Variants in BNC2 observed in about 807,000 individuals in gnomAD.
The protein encoded by BNC2 is basonuclin zinc finger protein 2, also known as zinc finger protein basonuclin-2.
A neutral mutation model predicts 76.3 loss-of-function variants in BNC2; 20 were observed. The observed-to-expected ratio is 0.26, with a 90% CI of 0.18 to 0.38. The LOEUF (loss-of-function observed/expected upper bound fraction) is 0.38. BNC2 is among the 10% of genes least tolerant of loss of function. BNC2 has a pLI of 1.00. For missense variants in BNC2, 1,382 were observed against 1,399.8 expected, an observed-to-expected ratio of 0.99 and a Z score of 0.20; for synonymous variants, 582 against 514.8, an observed-to-expected ratio of 1.13 and a Z score of -1.77.
At chr9:16,592,145 G>A (rs1204112020) in intron 3 of BNC2, among the ~76,000 whole-genome samples, 1 of 151,766 alleles carries the variant, frequency 6.6e-6, no homozygotes, top group Non-Finnish European at 1.5e-5. Context: ...TGAGAAAAAT[G>A]TTATGAACCA....
At chr9:16,859,143 A>G (rs1392650480) in intron 1 of BNC2, among the ~76,000 whole-genome samples, 2 of 151,422 alleles carry the variant, frequency 1.3e-5, no homozygotes, top group Non-Finnish European at 2.9e-5. Context: ...TCAAAACCAC[A>G]CTGAGATATC....
At chr9:16,603,484 A>T (rs1472076427) in intron 3 of BNC2, among the ~76,000 whole-genome samples, 2 of 152,134 alleles carry the variant, frequency 1.3e-5, no homozygotes, top group African/African-American at 4.8e-5. Context: ...AAAAGTCACA[A>T]ATTTTTTGTC....
Position 16,665,492 on chromosome 9 carries a change from G to A in BNC2, c.330+62305C>T, listed in dbSNP as rs150502293. Among the ~76,000 whole-genome samples, 661 of 128,004 alleles carry A rather than the reference G, an allele frequency of 5.2e-3. 4 individuals are homozygous for A. Among genetic ancestry groups the A allele is most frequent in the African/African-American group, 0.019 (605 of 32,320 alleles). The allele number at this position is 128,004 out of a possible 152,430, so 84.0% of individuals were successfully genotyped here. On this transcript the variant is annotated intron_variant, in intron 3 of 6. Coordinates refer to ENST00000380672, the MANE Select transcript of BNC2 (RefSeq NM_017637.6). ...AAAGAAAGAAAGAAAGAAAGAAAGA[G>A]AGAGAGAGAAATCACAGCAAATTTC...
intron 3 of BNC2, among the ~76,000 whole-genome samples, chr9:16,613,701 C>A (rs537664855): frequency 7.2e-5 from 11 of 152,256 alleles, no homozygotes; most frequent in South Asian, 6.2e-4. Flanking sequence ...CCCCTGCATC[C>A]TTGAATCCAA....
At chr9:16,480,549 G>C (rs982931991) in intron 5 of BNC2, among the ~76,000 whole-genome samples, 2 of 152,180 alleles carry the variant, frequency 1.3e-5, no homozygotes, top group Admixed American at 1.3e-4. Flanking sequence ...GGCGGCGCTT[G>C]CGGGCCAGCT....
At chr9:16,757,044 G>T (rs114207468) in intron 1 of BNC2, among the ~76,000 whole-genome samples, 1 of 146,732 alleles carries the variant, frequency 6.8e-6, no homozygotes, top group Non-Finnish European at 1.5e-5. Flanking sequence ...TTCCTAAAGT[G>T]CCCTGTACTA....
intron 3 of BNC2, among the ~76,000 whole-genome samples, chr9:16,708,673 G>C (rs1026606252): frequency 6.6e-6 from 1 of 152,080 alleles, no homozygotes; most frequent in Non-Finnish European, 1.5e-5. Flanking sequence ...AAATAAGAAT[G>C]AGATGGGGAG....
At chr9:16,684,173 A>C (rs1822909234) in intron 3 of BNC2, among the ~76,000 whole-genome samples, 1 of 152,156 alleles carries the variant, frequency 6.6e-6, no homozygotes, top group African/African-American at 2.4e-5. Context: ...ACAGATTTCC[A>C]ACAATCACCC....
At chr9:16,824,149 G>C (rs374398001) in intron 1 of BNC2, among the ~76,000 whole-genome samples, 3 of 152,122 alleles carry the variant, frequency 2.0e-5, no homozygotes, top group African/African-American at 7.2e-5. Context: ...AATAGGCTGT[G>C]ACCGCTACCA....
intron 3 of BNC2, among the ~76,000 whole-genome samples, chr9:16,611,793 T>C (rs1034749551): frequency 1.3e-4 from 20 of 150,678 alleles, no homozygotes; most frequent in Non-Finnish European, 2.8e-4. Flanking sequence ...TTTTAAAATA[T>C]TCTACCTGCA....
At chr9:16,557,710 C>G (rs958380678) in intron 4 of BNC2, among the ~76,000 whole-genome samples, 1 of 151,904 alleles carries the variant, frequency 6.6e-6, no homozygotes, top group African/African-American at 2.4e-5. Flanking sequence ...TTTGAAAAGC[C>G]CTTTTCTCTA....
intron 3 of BNC2, among the ~76,000 whole-genome samples, chr9:16,654,460 G>A (rs958233773): frequency 4.7e-4 from 72 of 151,938 alleles, no homozygotes; most frequent in African/African-American, 1.3e-3. Flanking sequence ...AAATATTTGC[G>A]CATGCAGGTC....
intron 3 of BNC2, among the ~76,000 whole-genome samples, chr9:16,604,658 A>G (rs1277341125): frequency 1.3e-5 from 2 of 152,002 alleles, no homozygotes; most frequent in Non-Finnish European, 2.9e-5. Flanking sequence ...AAACACAATT[A>G]GCCGGGCGTG....
intron 3 of BNC2, among the ~76,000 whole-genome samples, chr9:16,585,922 G>T (rs1819755685): frequency 6.6e-6 from 1 of 151,984 alleles, no homozygotes; most frequent in Non-Finnish European, 1.5e-5. Context: ...TACACACTTT[G>T]AAAATGCAGG....
At position 16,747,441 on chromosome 9, in the gene BNC2, A is replaced by G. The variant is rs1246028017; in HGVS notation, c.4-8956T>C. ...AGGAGATGGAACTTTATATTTATTG[A>G]GCACCTGTTGTGTGCCAGGTACTAT... On this transcript the variant is annotated intron_variant, in intron 1 of 6. Transcript: ENST00000380672. Among the ~76,000 whole-genome samples, 3 of 152,348 alleles carry G rather than the reference A, an allele frequency of 2.0e-5. No individual in the cohort carries two copies. In the East Asian group the frequency reaches 5.8e-4, roughly 29 times the overall value.
intron 1 of BNC2, among the ~76,000 whole-genome samples, chr9:16,815,739 C>T (rs1053916123): frequency 3.3e-5 from 5 of 152,138 alleles, no homozygotes; most frequent in East Asian, 1.9e-4. Context: ...TATTTATTGG[C>T]TTTCTATCAG....
rs377603205 is a variant in BNC2 at position 16,580,306 on chromosome 9, G to A, written c.433+2677C>T. Among the ~76,000 whole-genome samples, 7 of 152,236 alleles carry A rather than the reference G, an allele frequency of 4.6e-5. No individual in the cohort carries two copies. The East Asian group carries it at 7.7e-4, about 17-fold the overall frequency. Reference sequence around the variant, plus strand: ...GAGTGTGGGATTCACATGCTTGGGTGTATGCATTTTGAGCTGTATACAGAT... The same window carrying A: ...GAGTGTGGGATTCACATGCTTGGGTATATGCATTTTGAGCTGTATACAGAT... On this transcript the variant is annotated intron_variant, in intron 4 of 6. Coordinates refer to ENST00000380672, the MANE Select transcript of BNC2 (RefSeq NM_017637.6).
chr9:16,426,953 C>T (rs16934644), intron 6 of BNC2, among the ~76,000 whole-genome samples: 10,636 of 152,156 alleles, frequency 0.07, 382 homozygotes, highest in Middle Eastern at 0.13. Flanking sequence ...ACTTTTTACC[C>T]GAGAAATGAG....
At chr9:16,564,920 C>A (rs138103984) in intron 4 of BNC2, among the ~76,000 whole-genome samples, 5 of 152,014 alleles carry the variant, frequency 3.3e-5, no homozygotes, top group South Asian at 2.1e-4. Context: ...TTATCTAGCA[C>A]GAACATTCAA....
Sources: allele counts gnomAD v4.1 joint callset (sites outside exome capture counted in the v4.1 genomes callset), GRCh38; gene constraint gnomAD v4.1.1; transcripts MANE v1.5; gene names NCBI Gene and HGNC (gene_info 2026-07-23, HGNC 2026-07-21).